The following KIF22 variants were observed in gnomAD, a reference collection of about 807,000 sequenced individuals.
KIF22 encodes kinesin-like protein KIF22.
KIF22 carries 62 observed loss-of-function variants against 73.0 expected under a neutral mutation model. The observed-to-expected ratio is 0.85, with a 90% CI of 0.69 to 1.05. The LOEUF is 1.05. KIF22 is among the 50% of genes least tolerant of loss of function. KIF22 has a pLI of 0.00. For synonymous variants in KIF22, 411 were observed against 340.1 expected (o/e 1.21, Z -2.29); for missense variants, 854 against 870.1 (o/e 0.98, Z 0.23).
At chr16:29,799,837 G>C (rs1332036851) in intron 7 of KIF22, 56 bp downstream of exon 7, 2 of 1,612,576 alleles carry the variant, frequency 1.2e-6, no homozygotes, top group Non-Finnish European at 1.7e-6. Context: ...TAGGGAGTTT[G>C]TTGAAACCAC....
chr16:29,799,791 G>T lies in KIF22; in HGVS notation c.1144+10G>T, dbSNP rs1479584350. ...AGCCTGCAGCCTCATGGTGAGAACTGGGGGAGGCAGGAGTGGAAACGCTGG... is the reference window on the plus strand; with the variant it reads ...AGCCTGCAGCCTCATGGTGAGAACTTGGGGAGGCAGGAGTGGAAACGCTGG... On this transcript the variant is annotated intron_variant, in intron 7 of 13. Transcript: ENST00000160827. 1 of 1,613,592 alleles carries T rather than the reference G, an allele frequency of 6.2e-7. No homozygotes were observed.
intron 1 of KIF22, among the ~76,000 whole-genome samples, chr16:29,794,793 C>G (rs1372715321): frequency 6.6e-6 from 1 of 152,106 alleles, no homozygotes; most frequent in Non-Finnish European, 1.5e-5. Flanking sequence ...CCACGCTGGT[C>G]TCGAACTCCT....
rs1043367260 is a variant in KIF22 at position 29,805,283 on chromosome 16, C to T, written c.1971C>T (p.Ala657=). The change falls in exon 14 of 14, where the codon GCC becomes GCT. Residue 657 remains alanine (A), a synonymous_variant. Transcript: ENST00000160827. ...TGCAGGCAAACATCCTGGGTCTCGC[C>T]GCCGGCCAGCGCTGTGGCGCCTCCT... is the stretch of plus-strand genomic sequence containing the variant. ...SFLKANILGL[A]AGQRCGAS is the part of the protein sequence containing the mutation. The T allele has an allele frequency of 1.2e-6, 2 of 1,613,762 alleles. No homozygotes were observed. The highest frequency in any genetic ancestry group is 1.3e-5 in the African/African-American group (1 of 74,954).
At chr16:29,802,680 C>T in intron 8 of KIF22, 89 bp from the exon 9 acceptor site, 3 of 1,260,232 alleles carry the variant, frequency 2.4e-6, no homozygotes, top group Non-Finnish European at 3.2e-6. Context: ...ACAGGATATA[C>T]CAAGTTAAGG....
Position 29,799,624 on chromosome 16 carries a change from T to G in KIF22, c.991-4T>G. The G allele has an allele frequency of 6.2e-7, 1 of 1,614,044 alleles. No homozygotes were observed. ...ACCCACCCACTGCCTGGTCTCACCC[T>G]CAGGACTCTCTGGGTGGCTCAGCCC... On this transcript the variant is annotated splice_polypyrimidine_tract_variant and splice_region_variant and intron_variant, in intron 6 of 13. Coordinates refer to ENST00000160827, the MANE Select transcript of KIF22 (RefSeq NM_007317.3).
rs1490267393 is a variant in KIF22 at position 29,798,409 on chromosome 16, A to G, written c.302A>G (p.Gln101Arg). Reference sequence around the variant, plus strand: ...TTCTATGGGGAGAGGAGTACTCAGCAGGACATCTATGCAGGTTCAGTGCAG... The same window carrying G: ...TTCTATGGGGAGAGGAGTACTCAGCGGGACATCTATGCAGGTTCAGTGCAG... ...DAFYGERSTQ[Q>R]DIYAGSVQPI... The change falls in exon 3 of 14, where the codon CAG becomes CGG. Residue 101 changes from glutamine to arginine, a missense_variant. Around this residue, in one of 3 missense-constraint regions of KIF22, gnomAD observed 186 missense variants for 152.9 expected, o/e 1.22. Transcript: ENST00000160827. The surrounding 1 kb of genome is among the most constrained non-coding windows in gnomAD (Gnocchi z 4.1). 1.2e-6 allele frequency: 2 copies of G among 1,611,850 alleles called. No homozygotes were observed. The highest frequency in any genetic ancestry group is 2.2e-5 in the East Asian group (1 of 44,704).
intron 9 of KIF22, 41 bp from the exon 10 acceptor site, chr16:29,803,408 G>C (rs1228677925): frequency 6.2e-7 from 1 of 1,609,230 alleles, no homozygotes; most frequent in East Asian, 2.2e-5. Flanking sequence ...GGCTGCCCTG[G>C]AGTTGGGTCT....
In KIF22 at chr16:29,805,182, CA is replaced by C. The variant is rs1567364083; in HGVS notation, c.1950+9del. ...ATGGAGTCCTTCCTGAAGGTGAAGTCACGGCCCTGCCCCTCCTCTGCCTGTC... is the reference window on the plus strand; with the variant it reads ...ATGGAGTCCTTCCTGAAGGTGAAGTCCGGCCCTGCCCCTCCTCTGCCTGTC... On this transcript the variant is annotated intron_variant, in intron 13 of 13. Coordinates refer to ENST00000160827, the MANE Select transcript of KIF22 (RefSeq NM_007317.3). The C allele has an allele frequency of 6.2e-7, 1 of 1,614,162 alleles. No homozygotes were observed. The highest frequency in any genetic ancestry group is 1.1e-5 in the South Asian group (1 of 91,090).
In KIF22 at chr16:29,799,912, G is replaced by T; in HGVS notation, c.1145-1G>T. ...CTCCACCCCATCCTCCAATCATCTA[G>T]CCTTGGGACCTGTTAAGCTGTCTCA... On this transcript the variant is annotated splice_acceptor_variant, in intron 7 of 13. Transcript: ENST00000160827. LOFTEE classifies it high-confidence loss of function. The T allele has an allele frequency of 3.1e-6, 5 of 1,613,998 alleles. No individual in the cohort carries two copies. The highest frequency in any genetic ancestry group is 3.4e-6 in the Non-Finnish European group (4 of 1,179,930).
rs532636455 is a variant in KIF22, at chr16:29,797,916, A to G, written c.267-458A>G. 2.0e-5 allele frequency among the ~76,000 whole-genome samples: 3 copies of G among 152,304 alleles called. No homozygotes were observed. The highest frequency in any genetic ancestry group is 4.1e-4 in the South Asian group (2 of 4,828). ...AGCAGCATCCTCTATTTTCCCCATT[A>G]TGGTGTAAAATACAATGTTCTACAC... is the stretch of plus-strand genomic sequence containing the variant. On this transcript the variant is annotated intron_variant, in intron 2 of 13. Coordinates refer to ENST00000160827, the MANE Select transcript of KIF22 (RefSeq NM_007317.3). The surrounding 1 kb of genome is among the most constrained non-coding windows in gnomAD (Gnocchi z 4.1).
rs1413228284 is a variant in KIF22 at position 29,800,281 on chromosome 16, C to T, written c.1280+233C>T. ...GACCAGCCTGGCCAACATGGTGAAA[C>T]CTCATCTCTACTAAAAAATACAAAA... is the stretch of plus-strand genomic sequence containing the variant. On this transcript the variant is annotated intron_variant, in intron 8 of 13. Coordinates refer to ENST00000160827, the MANE Select transcript of KIF22 (RefSeq NM_007317.3). 11 of 383,862 alleles carry T rather than the reference C, an allele frequency of 2.9e-5. No individual in the cohort carries two copies. The East Asian group carries it at 4.4e-4, about 16-fold the overall frequency. 23.8% of individuals were successfully genotyped at this position (383,862 alleles called of 1,614,324 possible). A position where few individuals can be genotyped will look rare whatever the true frequency, so the allele number is the denominator to read the frequency against.
intron 1 of KIF22, among the ~76,000 whole-genome samples, chr16:29,794,537 T>C (rs1371384288): frequency 6.6e-6 from 1 of 152,168 alleles, no homozygotes; most frequent in Non-Finnish European, 1.5e-5. Flanking sequence ...ACCTACCTAC[T>C]ATGTGCTAGT....
In KIF22 at chr16:29,797,159, C is replaced by G; in HGVS notation, c.266+71C>G. 2 of 1,167,010 alleles carry G rather than the reference C, an allele frequency of 1.7e-6. No homozygotes were observed. The highest frequency in any genetic ancestry group is 2.4e-5 in the Admixed American group (1 of 42,034). The allele number at this position is 1,167,010 out of a possible 1,614,324, so 72.3% of individuals were successfully genotyped here. On this transcript the variant is annotated intron_variant, in intron 2 of 13. Coordinates refer to ENST00000160827, the MANE Select transcript of KIF22 (RefSeq NM_007317.3). The surrounding 1 kb of genome is among the most constrained non-coding windows in gnomAD (Gnocchi z 4.1). ...TCCTAGGCCTGCCCACGTTCCCCTG[C>G]CTCCCCAGGATCCTTGCTCCCTCCT...
intron 10 of KIF22, 41 bp from the exon 11 acceptor site, chr16:29,803,957 T>A (rs774611332): frequency 2.0e-6 from 3 of 1,508,226 alleles, no homozygotes; most frequent in Non-Finnish European, 2.8e-6. Flanking sequence ...GGGTGAAAAG[T>A]ACCCTTTGCC....
At position 29,804,584 on chromosome 16, in the gene KIF22, T is replaced by C. The variant is rs952008251; in HGVS notation, c.1678-230T>C. On this transcript the variant is annotated intron_variant, in intron 11 of 13. Coordinates refer to ENST00000160827, the MANE Select transcript of KIF22 (RefSeq NM_007317.3). ...TCACTTGATCTCCACAGCAACTCCA[T>C]GAGAAGGGTGCTAATATTACCACTG... 56 of 689,952 alleles carry C rather than the reference T, an allele frequency of 8.1e-5. No homozygotes were observed. In the Admixed American group the frequency reaches 1.1e-3, roughly 14 times the overall value. 42.7% of individuals were successfully genotyped at this position (689,952 alleles called of 1,614,324 possible).
chr16:29,795,987 C>T (rs765335926), intron 1 of KIF22, among the ~76,000 whole-genome samples: 10 of 151,952 alleles, frequency 6.6e-5, no homozygotes, highest in Non-Finnish European at 1.2e-4. Flanking sequence ...AATGGAGGTA[C>T]AGGCTGGGCA....
intron 9 of KIF22, among the ~76,000 whole-genome samples, chr16:29,803,195 C>T (rs2142378815): frequency 6.6e-6 from 1 of 152,310 alleles, no homozygotes; most frequent in Non-Finnish European, 1.5e-5. Context: ...AAGCCCAGCT[C>T]AATTAATTGA....
rs374901797 is a variant in KIF22 at position 29,804,075 on chromosome 16, G to C, written c.1677+10G>C. ...AGGCCGGAAGAGAAAGGTGAAAGTA[G>C]CTGGGGGCTTAGGCTACACCTGGAG... On this transcript the variant is annotated intron_variant, in intron 11 of 13. Transcript: ENST00000160827. 2 of 1,611,410 alleles carry C rather than the reference G, an allele frequency of 1.2e-6. No individual in the cohort carries two copies. Among genetic ancestry groups the C allele is most frequent in the Non-Finnish European group, 1.7e-6 (2 of 1,177,576 alleles).
intron 8 of KIF22, among the ~76,000 whole-genome samples, chr16:29,801,878 C>T (rs912892240): frequency 3.3e-5 from 5 of 152,034 alleles, no homozygotes; most frequent in African/African-American, 7.3e-5. Context: ...TTAAGCTTGG[C>T]GTCATGGGAA....
Sources: allele counts gnomAD v4.1 joint callset (sites outside exome capture counted in the v4.1 genomes callset), GRCh38; gene constraint gnomAD v4.1.1; regional missense constraint gnomAD v4.1.1; non-coding constraint Gnocchi (gnomAD v3.1); transcripts MANE v1.5; gene names NCBI Gene and HGNC (gene_info 2026-07-23, HGNC 2026-07-21).